RYR2: variants seen among roughly 807,000 people sequenced by gnomAD.
RYR2 encodes the protein ryanodine receptor 2.
Under a neutral mutation model 601.1 loss-of-function variants are expected in RYR2, and 227 were observed. The observed-to-expected ratio is 0.38, with a 90% confidence interval of 0.34 to 0.42. The LOEUF is 0.42. RYR2 is among the 10% of genes least tolerant of loss of function. The pLI is 1.00. For synonymous variants in RYR2, 2,223 were observed against 2,175.1 expected (o/e 1.02, Z -0.61); for missense variants, 4,646 against 6,156.5 (o/e 0.75, Z 8.21).
intron 50 of RYR2, 76 bp downstream of exon 50, chr1:237,650,173 T>G (rs1682584937): frequency 6.5e-6 from 9 of 1,377,964 alleles, no homozygotes; most frequent in Middle Eastern, 5.1e-4. Flanking sequence ...GACAAATTAT[T>G]TAGAATTTTG....
intron 16 of RYR2, among the ~76,000 whole-genome samples, chr1:237,464,039 T>G (rs1290962216): frequency 6.6e-6 from 1 of 152,214 alleles, no homozygotes; most frequent in Non-Finnish European, 1.5e-5. Context: ...CCTTTAAATA[T>G]TTATCACGTA....
intron 25 of RYR2, among the ~76,000 whole-genome samples, chr1:237,538,644 A>G (rs1167468931): frequency 6.6e-6 from 1 of 151,534 alleles, no homozygotes; most frequent in Non-Finnish European, 1.5e-5. Context: ...TGGTGGCACA[A>G]CCTGTAATCC....
intron 1 of RYR2, among the ~76,000 whole-genome samples, chr1:237,086,423 C>A (rs1008582337): frequency 6.6e-6 from 1 of 152,142 alleles, no homozygotes; most frequent in African/African-American, 2.4e-5. Flanking sequence ...CACATTAGAG[C>A]TTTAACATAC....
intron 19 of RYR2, among the ~76,000 whole-genome samples, chr1:237,493,663 A>G (rs969390783): frequency 4.6e-5 from 7 of 152,258 alleles, no homozygotes; most frequent in South Asian, 4.1e-4. Flanking sequence ...CGTGTTAGCC[A>G]GGATGGTCTC....
At position 237,109,671 on chromosome 1, in the gene RYR2, T is replaced by C. The variant is rs556569703; in HGVS notation, c.48+67102T>C. On this transcript the variant is annotated intron_variant, in intron 1 of 104. Transcript: ENST00000366574. ...TGATTGATTTCAGAAATTTAAAAAA[T>C]ATTTGCTGACACTGCACTCCAGCCT... Among the ~76,000 whole-genome samples the C allele has an allele frequency of 1.6e-4, 24 of 150,900 alleles. 1 individual carries two copies. The South Asian group carries it at 4.8e-3, about 30-fold the overall frequency.
chr1:237,562,390 A>G (rs1671546268), intron 27 of RYR2, among the ~76,000 whole-genome samples: 1 of 152,190 alleles, frequency 6.6e-6, no homozygotes, highest in African/African-American at 2.4e-5. Flanking sequence ...TAAGATTTTA[A>G]TGTATAGTTA....
Position 237,589,923 on chromosome 1 carries a change from A to G in RYR2, c.3729A>G (p.Thr1243=). The G allele has an allele frequency of 6.2e-7, 1 of 1,613,950 alleles. No homozygotes were observed. The highest frequency in any genetic ancestry group is 8.5e-7 in the Non-Finnish European group (1 of 1,179,872). ...QEGYEPFAVN[T]NRDITMWLSK... ...GCTATGAACCATTTGCCGTTAATACAAACAGGGATATTACCATGTGGCTGA... is the reference window on the plus strand; with the variant it reads ...GCTATGAACCATTTGCCGTTAATACGAACAGGGATATTACCATGTGGCTGA... The change falls in exon 30 of 105, where the codon ACA becomes ACG. Residue 1243 remains threonine (T), a synonymous_variant. Transcript: ENST00000366574.
At chr1:237,464,650 CT>C (rs1224703910) in intron 16 of RYR2, among the ~76,000 whole-genome samples, 3 of 152,140 alleles carry the variant, frequency 2.0e-5, no homozygotes, top group Admixed American at 6.5e-5. Flanking sequence ...AGCAATCATT[CT>C]CTAAGAAATT....
Position 237,628,021 on chromosome 1 carries a change from G to A in RYR2, c.6381G>A (p.Arg2127=). Residue 2127 remains arginine (R), a synonymous_variant, in exon 41 of 105, where the codon CGG becomes CGA. Coordinates refer to ENST00000366574, the MANE Select transcript of RYR2 (RefSeq NM_001035.3). The part of the protein sequence containing the change: ...INLLASLGQI[R]SLLSVRMGKE... ...TGCTGGCATCCCTTGGTCAGATTCG[G>A]TCCCTGCTGAGTGTGAGAATGGGCA... 7.4e-6 allele frequency: 12 copies of A among 1,613,898 alleles called. No homozygotes were observed. Among genetic ancestry groups the A allele is most frequent in the Non-Finnish European group, 9.3e-6 (11 of 1,179,880 alleles).
intron 3 of RYR2, among the ~76,000 whole-genome samples, chr1:237,331,512 C>CTTTTCTTTTTTTTTTTTTTTTTTT (rs1553405491): frequency 6.6e-6 from 1 of 150,652 alleles, no homozygotes; most frequent in African/African-American, 2.5e-5. Flanking sequence ...TTTTTCTTTT[C>CTTTTCTTTTTTTTTTTTTTTTTTT]TTTTTTTTGA....
intron 2 of RYR2, among the ~76,000 whole-genome samples, chr1:237,307,004 T>C (rs1281117676): frequency 1.3e-5 from 2 of 152,206 alleles, no homozygotes; most frequent in Non-Finnish European, 2.9e-5. Flanking sequence ...CAGTAACTTG[T>C]TCCTAAGAAA....
chr1:237,804,012 C>G (rs141488432), intron 98 of RYR2, among the ~76,000 whole-genome samples: 1 of 152,124 alleles, frequency 6.6e-6, no homozygotes, highest in South Asian at 2.1e-4. Flanking sequence ...TGGGGCTAAA[C>G]GTGCCTATTC....
intron 11 of RYR2, among the ~76,000 whole-genome samples, chr1:237,422,515 C>A (rs954987974): frequency 1.9e-4 from 29 of 152,064 alleles, no homozygotes; most frequent in African/African-American, 6.3e-4. Flanking sequence ...TCATCGCGTT[C>A]TAATAATATA....
chr1:237,829,593 G>A (rs1165613897), intron 102 of RYR2, among the ~76,000 whole-genome samples: 1 of 152,212 alleles, frequency 6.6e-6, no homozygotes, highest in Non-Finnish European at 1.5e-5. Flanking sequence ...CATCATTGGA[G>A]TGGTATGAAG....
At chr1:237,801,756 A>C in intron 97 of RYR2, 100 bp from the exon 98 acceptor site, 1 of 647,694 alleles carries the variant, frequency 1.5e-6, no homozygotes. Flanking sequence ...AAGGTGTCCA[A>C]GTCTTGTCCC....
At chr1:237,650,372 G>A (rs1044359225) in intron 50 of RYR2, among the ~76,000 whole-genome samples, 1 of 152,162 alleles carries the variant, frequency 6.6e-6, no homozygotes, top group African/African-American at 2.4e-5. Context: ...TGGGAGTGGG[G>A]AGTAATTGTG....
rs372093282 is a variant in RYR2 at position 237,527,236 on chromosome 1, C to G, written c.2823-3191C>G. Among the ~76,000 whole-genome samples, 11 of 152,278 alleles carry G rather than the reference C, an allele frequency of 7.2e-5. 1 individual carries two copies. The highest frequency in any genetic ancestry group is 2.6e-4 in the African/African-American group (11 of 41,548). On this transcript the variant is annotated intron_variant, in intron 24 of 104. Coordinates refer to ENST00000366574, the MANE Select transcript of RYR2 (RefSeq NM_001035.3). ...ATATAAGTCAGGCAATGTGATGCCT[C>G]TGGATTTGTTCATTTTGCTTAGGAT...
chr1:237,404,809 T>C (rs1177906673), intron 10 of RYR2, among the ~76,000 whole-genome samples: 4 of 152,226 alleles, frequency 2.6e-5, no homozygotes, highest in African/African-American at 4.8e-5. Flanking sequence ...TCTGCCATGA[T>C]TGATGAAGTG....
chr1:237,381,325 G>C (rs770181092), intron 8 of RYR2, among the ~76,000 whole-genome samples: 92 of 151,242 alleles, frequency 6.1e-4, no homozygotes, highest in Non-Finnish European at 9.7e-4. Flanking sequence ...GAGATAGTTG[G>C]GAAAGAAACA....
Sources: gnomAD v4.1 joint callset for allele counts (sites outside exome capture counted in the v4.1 genomes callset) on GRCh38, gnomAD v4.1.1 for gene constraint, MANE v1.5 for transcripts, NCBI Gene and HGNC (gene_info 2026-07-23, HGNC 2026-07-21) for gene names.